Variants in R3HDM2 observed in about 807,000 individuals in gnomAD.
R3HDM2 encodes the protein R3H domain containing 2.
R3HDM2 carries 38 observed loss-of-function variants against 124.5 expected under a neutral mutation model. The observed-to-expected ratio is 0.31, with a 90% CI of 0.24 to 0.40. The LOEUF (loss-of-function observed/expected upper bound fraction) is 0.40. R3HDM2 is among the 10% of genes least tolerant of loss of function. The pLI is 1.00. For synonymous variants in R3HDM2, 391 were observed against 448.0 expected (o/e 0.87, Z 1.61); for missense variants, 869 against 1,236.9 (o/e 0.70, Z 4.46).
intron 1 of R3HDM2, among the ~76,000 whole-genome samples, chr12:57,409,469 T>C (rs1594565345): frequency 7.5e-6 from 1 of 133,656 alleles, no homozygotes; most frequent in African/African-American, 2.8e-5. Flanking sequence ...ACTGATAAAG[T>C]AGAGTGAAGT....
At position 57,333,061 on chromosome 12, in the gene R3HDM2, T is replaced by C. The variant is rs142765991; in HGVS notation, c.-35-22598A>G. Among the ~76,000 whole-genome samples, 10 of 152,218 alleles carry C rather than the reference T, an allele frequency of 6.6e-5. 1 individual carries two copies. The highest frequency in any genetic ancestry group is 1.5e-4 in the Non-Finnish European group (10 of 68,040). On this transcript the variant is annotated intron_variant, in intron 2 of 23. Coordinates refer to ENST00000402412, the MANE Select transcript of R3HDM2 (RefSeq NM_001394031.1). Reference sequence around the variant, plus strand: ...CTTGACTTCTTTCATTTACAAGATCTAGAGAGGGAAATTTCTATGAATGAA... The same window carrying C: ...CTTGACTTCTTTCATTTACAAGATCCAGAGAGGGAAATTTCTATGAATGAA...
intron 20 of R3HDM2, among the ~76,000 whole-genome samples, chr12:57,258,469 T>C (rs57189472): frequency 0.012 from 1,782 of 151,990 alleles, 33 homozygotes; most frequent in African/African-American, 0.04. Context: ...CTCAGCCTTC[T>C]GAGTAGCTGG....
At chr12:57,291,641 G>A (rs2048622449) in intron 11 of R3HDM2, among the ~76,000 whole-genome samples, 2 of 139,860 alleles carry the variant, frequency 1.4e-5, no homozygotes, top group Admixed American at 7.3e-5. Flanking sequence ...GTGACAAAGC[G>A]AAACCCTATC....
intron 2 of R3HDM2, among the ~76,000 whole-genome samples, chr12:57,382,070 C>A (rs1052117775): frequency 6.6e-6 from 1 of 151,922 alleles, no homozygotes; most frequent in Admixed American, 6.6e-5. Flanking sequence ...ATCCTCCCAA[C>A]TCAACCTCCC....
At chr12:57,328,246 G>A (rs1020863340) in intron 2 of R3HDM2, among the ~76,000 whole-genome samples, 9 of 152,070 alleles carry the variant, frequency 5.9e-5, no homozygotes, top group African/African-American at 2.2e-4. Context: ...ATTTTCTGTA[G>A]AGACAGGGTT....
chr12:57,296,617 T>C lies in R3HDM2; in HGVS notation c.561-66A>G, dbSNP rs2049938913. ...CAACTGCAATAACAACCAATTTTAATTTTTCTTACAAGTGTCTAAAGTGGA... is the reference window on the plus strand; with the variant it reads ...CAACTGCAATAACAACCAATTTTAACTTTTCTTACAAGTGTCTAAAGTGGA... On this transcript the variant is annotated intron_variant, in intron 8 of 23. Coordinates refer to ENST00000402412, the MANE Select transcript of R3HDM2 (RefSeq NM_001394031.1). The surrounding 1 kb of genome is among the most constrained non-coding windows in gnomAD (Gnocchi z 4.5). The C allele has an allele frequency of 6.7e-7, 1 of 1,491,584 alleles. No individual in the cohort carries two copies. The highest frequency in any genetic ancestry group is 1.2e-5 in the South Asian group (1 of 80,672). 92.4% of individuals were successfully genotyped at this position (1,491,584 alleles called of 1,614,324 possible).
chr12:57,413,329 C>T (rs2069182103), intron 1 of R3HDM2, among the ~76,000 whole-genome samples: 1 of 151,364 alleles, frequency 6.6e-6, no homozygotes, highest in African/African-American at 2.4e-5. Flanking sequence ...CATGGTAGCT[C>T]ATGTCTGTAC....
At chr12:57,381,162 C>T in intron 2 of R3HDM2, among the ~76,000 whole-genome samples, 1 of 152,024 alleles carries the variant, frequency 6.6e-6, no homozygotes, top group East Asian at 1.9e-4. Flanking sequence ...ACCCGGGAGG[C>T]AGAGGTTGCA....
chr12:57,364,854 G>A (rs1365625998), intron 2 of R3HDM2, among the ~76,000 whole-genome samples: 3 of 151,020 alleles, frequency 2.0e-5, no homozygotes, highest in African/African-American at 7.3e-5. Context: ...TTGGGAGGCT[G>A]AGGCAGGAGA....
At chr12:57,331,999 A>AG (rs916861700) in intron 2 of R3HDM2, among the ~76,000 whole-genome samples, 29 of 152,014 alleles carry the variant, frequency 1.9e-4, no homozygotes, top group African/African-American at 6.8e-4. Context: ...GTGAGGTAGC[A>AG]GGATCATTTG....
rs1179923721 is a variant in R3HDM2 at position 57,280,497 on chromosome 12, T to C, written c.1205A>G (p.Gln402Arg). 1 of 1,613,390 alleles carries C rather than the reference T, an allele frequency of 6.2e-7. No homozygotes were observed. Among genetic ancestry groups the C allele is most frequent in the Admixed American group, 1.7e-5 (1 of 59,966 alleles). Residue 402 changes from glutamine (Q) to arginine (R), a missense_variant, in exon 14 of 24, where the codon CAG becomes CGG. By Grantham distance (43) the Gln-to-Arg change is conservative (BLOSUM62 1). This residue lies in a region of R3HDM2 where 602 missense variants were observed against 789.2 expected (regional missense o/e 0.76). Transcript: ENST00000402412. ...MALGAPEVCNQVTSSQSVRGL... is the reference protein window; with the variant it reads ...MALGAPEVCNRVTSSQSVRGL... Reference sequence around the variant, plus strand: ...CCGGACAGACTGGGATGAGGTGACCTGGTTGCACACTTCTGGGGCACCTAG... The same window carrying C: ...CCGGACAGACTGGGATGAGGTGACCCGGTTGCACACTTCTGGGGCACCTAG...
At chr12:57,354,689 C>A (rs1484888232) in intron 2 of R3HDM2, among the ~76,000 whole-genome samples, 2 of 151,940 alleles carry the variant, frequency 1.3e-5, no homozygotes, top group African/African-American at 4.8e-5. Context: ...CATCTCTTGT[C>A]CATTTTTTAA....
intron 2 of R3HDM2, among the ~76,000 whole-genome samples, chr12:57,311,976 G>A (rs934665040): frequency 3.9e-5 from 6 of 152,142 alleles, no homozygotes; most frequent in African/African-American, 9.7e-5. Context: ...CTCAATTGCC[G>A]AAGTCAAACA....
chr12:57,330,935 T>G (rs547538298), intron 2 of R3HDM2, among the ~76,000 whole-genome samples: 1 of 151,664 alleles, frequency 6.6e-6, no homozygotes, highest in Non-Finnish European at 1.5e-5. Context: ...CCTGACCTTG[T>G]GATCTGCCCG....
intron 1 of R3HDM2, among the ~76,000 whole-genome samples, chr12:57,416,530 G>A (rs1464838884): frequency 6.6e-5 from 10 of 152,302 alleles, no homozygotes; most frequent in Non-Finnish European, 8.8e-5. Context: ...ACAGACTTCA[G>A]GCCAGGCACA....
At chr12:57,312,956 T>C (rs1385561770) in intron 2 of R3HDM2, among the ~76,000 whole-genome samples, 1 of 139,788 alleles carries the variant, frequency 7.2e-6, no homozygotes, top group Non-Finnish European at 1.5e-5. Context: ...AAAAAAGTCA[T>C]ATAGTTGAAT....
At chr12:57,389,971 ACAT>A (rs2066412820) in intron 2 of R3HDM2, among the ~76,000 whole-genome samples, 1 of 152,120 alleles carries the variant, frequency 6.6e-6, no homozygotes, top group African/African-American at 2.4e-5. Flanking sequence ...ACACTGAACA[ACAT>A]CAGAAGTATC....
chr12:57,397,699 A>G (rs2067689701), intron 1 of R3HDM2, among the ~76,000 whole-genome samples: 1 of 152,026 alleles, frequency 6.6e-6, no homozygotes, highest in African/African-American at 2.4e-5. Context: ...TATGCAAAAT[A>G]TTTACTAGTT....
At chr12:57,386,415 C>T (rs1038174168) in intron 2 of R3HDM2, among the ~76,000 whole-genome samples, 14 of 152,252 alleles carry the variant, frequency 9.2e-5, no homozygotes, top group Non-Finnish European at 1.9e-4. Context: ...AGAGGCCAGC[C>T]GGCCCCGCCC....
Sources: gnomAD v4.1 joint callset for allele counts (sites outside exome capture counted in the v4.1 genomes callset) on GRCh38, gnomAD v4.1.1 for gene constraint, gnomAD v4.1.1 regional missense constraint, Gnocchi (gnomAD v3.1) non-coding constraint, MANE v1.5 for transcripts, NCBI Gene and HGNC (gene_info 2026-07-23, HGNC 2026-07-21) for gene names.